SYNDIG1: variants seen among roughly 807,000 people sequenced by gnomAD.
SYNDIG1 encodes synapse differentiation-inducing gene protein 1.
A neutral mutation model predicts 19.4 loss-of-function variants in SYNDIG1; 9 were observed. That is an observed-to-expected ratio of 0.46 (90% CI 0.28 to 0.81). SYNDIG1 has a LOEUF of 0.81. Ranked by LOEUF, SYNDIG1 falls within the 30% of genes least tolerant of loss-of-function variation. SYNDIG1 has a pLI of 0.12. For missense variants in SYNDIG1, 311 were observed against 343.3 expected (o/e 0.91, Z 0.74); for synonymous variants, 141 against 145.9 (o/e 0.97, Z 0.24).
Position 24,665,804 on chromosome 20 carries a change from G to T in SYNDIG1, c.*300G>T. On this transcript the variant is annotated 3_prime_UTR_variant, in exon 4 of 4. Transcript: ENST00000376862. The stretch of plus-strand genomic sequence containing the variant: ...ATGAATGGCAACGCGGCTCTCTGCA[G>T]CCTGCCAGTGCCCAGAGTGCCACCG... The T allele has an allele frequency of 2.5e-6, 1 of 406,500 alleles. No individual in the cohort carries two copies. The highest frequency in any genetic ancestry group is 5.3e-5 in the East Asian group (1 of 18,946). 25.2% of individuals were successfully genotyped at this position (406,500 alleles called of 1,614,324 possible).
chr20:24,497,176 G>C (rs930687755), intron 1 of SYNDIG1, among the ~76,000 whole-genome samples: 7 of 151,120 alleles, frequency 4.6e-5, no homozygotes, highest in African/African-American at 1.4e-4. Context: ...CTTTTCTTTT[G>C]TTTGTTTGTT....
chr20:24,579,741 G>A (rs910387602), intron 2 of SYNDIG1, among the ~76,000 whole-genome samples: 1 of 152,144 alleles, frequency 6.6e-6, no homozygotes, highest in Non-Finnish European at 1.5e-5. Context: ...CATTGGGACC[G>A]CCACCCTTGG....
chr20:24,567,697 G>T (rs6106910), intron 2 of SYNDIG1, among the ~76,000 whole-genome samples: 5,927 of 152,326 alleles, frequency 0.039, 277 homozygotes, highest in African/African-American at 0.12. Context: ...CCACCTGGTG[G>T]CATCTGCCTA....
chr20:24,542,917 G>A (rs766550793), intron 1 of SYNDIG1, 103 bp from the exon 2 acceptor site: 29 of 859,654 alleles, frequency 3.4e-5, no homozygotes, highest in South Asian at 5.4e-5. Flanking sequence ...GTTACTATGC[G>A]TTTATCAGCT....
chr20:24,590,838 G>A (rs1458142855), intron 3 of SYNDIG1, among the ~76,000 whole-genome samples: 1 of 152,182 alleles, frequency 6.6e-6, no homozygotes, highest in African/African-American at 2.4e-5. Context: ...TGAGGGGCCC[G>A]TGGGAGCATT....
intron 2 of SYNDIG1, among the ~76,000 whole-genome samples, chr20:24,574,739 A>G (rs762567113): frequency 4.6e-5 from 7 of 152,228 alleles, no homozygotes; most frequent in Non-Finnish European, 1.0e-4. Context: ...ATGTCTTATC[A>G]CATCATAAAA....
chr20:24,552,794 G>C lies in SYNDIG1; in HGVS notation c.480+9217G>C, dbSNP rs1199794241. 1.3e-5 allele frequency among the ~76,000 whole-genome samples: 2 copies of C among 152,156 alleles called. 1 individual carries two copies. The highest frequency in any genetic ancestry group is 3.9e-4 in the East Asian group (2 of 5,194). ...TACATATGCATGTGTCTTTATAGCA[G>C]CATGACTTATAATCCTTTGGGTATA... On this transcript the variant is annotated intron_variant, in intron 2 of 3. Transcript: ENST00000376862.
At chr20:24,636,077 G>C (rs756768722) in intron 3 of SYNDIG1, among the ~76,000 whole-genome samples, 2 of 152,162 alleles carry the variant, frequency 1.3e-5, no homozygotes, top group Non-Finnish European at 2.9e-5. Context: ...TGGACTTTGG[G>C]GGGGCTCTAT....
rs2056899150 is a variant in SYNDIG1, at chr20:24,517,438, A to AC, written c.-78-25578dup. Among the ~76,000 whole-genome samples the AC allele has an allele frequency of 4.0e-5, 6 of 150,198 alleles. No homozygotes were observed. In the South Asian group the frequency reaches 1.3e-3, roughly 32 times the overall value. On this transcript the variant is annotated intron_variant, in intron 1 of 3. Transcript: ENST00000376862. ...AGACCATCCTGGCTAACACGGTGAA[A>AC]CCCCATCTCTACTAAAAATACAACA...
At chr20:24,579,941 A>G (rs1233580824) in intron 2 of SYNDIG1, among the ~76,000 whole-genome samples, 1 of 152,216 alleles carries the variant, frequency 6.6e-6, no homozygotes, top group Admixed American at 6.5e-5. Context: ...AAATATTCCC[A>G]GGAAGAAAAC....
At chr20:24,656,852 C>A (rs575785226) in intron 3 of SYNDIG1, among the ~76,000 whole-genome samples, 1 of 152,364 alleles carries the variant, frequency 6.6e-6, no homozygotes, top group East Asian at 1.9e-4. Context: ...TGAGATGTAA[C>A]CCCCAGTGTT....
chr20:24,659,977 C>A (rs373388245), intron 3 of SYNDIG1, among the ~76,000 whole-genome samples: 2 of 152,066 alleles, frequency 1.3e-5, no homozygotes, highest in East Asian at 3.9e-4. Flanking sequence ...CAGAAGTATC[C>A]ATGAACCTGT....
intron 3 of SYNDIG1, among the ~76,000 whole-genome samples, chr20:24,625,187 A>C (rs185888679): frequency 5.3e-5 from 8 of 152,338 alleles, no homozygotes; most frequent in Admixed American, 4.6e-4. Context: ...TTAGAGAAGA[A>C]ATGAATAACA....
intron 3 of SYNDIG1, among the ~76,000 whole-genome samples, chr20:24,631,944 A>T (rs73100716): frequency 9.5e-4 from 145 of 152,348 alleles, no homozygotes; most frequent in Non-Finnish European, 1.6e-3. Context: ...CAACATTTTG[A>T]TAAGAGCTTA....
intron 3 of SYNDIG1, 63 bp downstream of exon 3, chr20:24,585,056 G>GGGGCGCCC: frequency 1.8e-6 from 1 of 545,664 alleles, no homozygotes; most frequent in Non-Finnish European, 3.4e-6. Flanking sequence ...GGTGGGGGCG[G>GGGGCGCCC]CAATCCCAGC....
chr20:24,662,547 G>C (rs73100753), intron 3 of SYNDIG1, among the ~76,000 whole-genome samples: 1 of 152,104 alleles, frequency 6.6e-6, no homozygotes. Context: ...GAGTCCTTGT[G>C]CCCTGGGCTG....
chr20:24,591,443 A>C (rs2147075447), intron 3 of SYNDIG1, among the ~76,000 whole-genome samples: 1 of 151,976 alleles, frequency 6.6e-6, no homozygotes, highest in South Asian at 2.1e-4. Flanking sequence ...TAGTACATCT[A>C]GTTATCTTTT....
At chr20:24,544,666 G>C (rs890851685) in intron 2 of SYNDIG1, among the ~76,000 whole-genome samples, 1 of 152,064 alleles carries the variant, frequency 6.6e-6, no homozygotes, top group African/African-American at 2.4e-5. Context: ...AGAGAAGGGT[G>C]GGGTAAGGGA....
chr20:24,645,615 G>A (rs557606179), intron 3 of SYNDIG1, among the ~76,000 whole-genome samples: 53 of 152,310 alleles, frequency 3.5e-4, no homozygotes, highest in Admixed American at 8.5e-4. Flanking sequence ...CCCTCTGGGC[G>A]AATCCACTGT....
Sources: allele counts gnomAD v4.1 joint callset (sites outside exome capture counted in the v4.1 genomes callset), GRCh38; gene constraint gnomAD v4.1.1; transcripts MANE v1.5; gene names NCBI Gene and HGNC (gene_info 2026-07-23, HGNC 2026-07-21).